Variants in HDAC9 observed in about 807,000 individuals in gnomAD.
The protein encoded by HDAC9 is histone deacetylase 9.
A neutral mutation model predicts 139.4 loss-of-function variants in HDAC9; 41 were observed. The ratio of observed to expected loss-of-function variants is 0.29; its 90% CI spans 0.23 to 0.38. The LOEUF (loss-of-function observed/expected upper bound fraction) is 0.38, where lower values mean the gene tolerates loss of function less well. HDAC9 is among the 10% of genes least tolerant of loss of function. HDAC9 has a pLI of 1.00. For synonymous variants in HDAC9, 517 were observed against 476.2 expected (o/e 1.09, Z -1.12); for missense variants, 1,147 against 1,297.0 (o/e 0.88, Z 1.78).
chr7:18,501,807 C>G (rs1798450368), intron 2 of HDAC9, among the ~76,000 whole-genome samples: 1 of 152,044 alleles, frequency 6.6e-6, no homozygotes, highest in South Asian at 2.1e-4. Flanking sequence ...TTACACACCC[C>G]CACACAAAGC....
At chr7:18,133,302 A>G (rs977629921) in intron 1 of HDAC9, among the ~76,000 whole-genome samples, 3 of 152,176 alleles carry the variant, frequency 2.0e-5, no homozygotes, top group South Asian at 2.1e-4. Flanking sequence ...ATCTCATAAT[A>G]TATTTAGAAC....
chr7:18,460,215 C>T (rs1001959852), intron 1 of HDAC9, among the ~76,000 whole-genome samples: 1 of 152,040 alleles, frequency 6.6e-6, no homozygotes, highest in Non-Finnish European at 1.5e-5. Flanking sequence ...CATAGTTGTT[C>T]ATGAGTAGAA....
At chr7:18,243,238 A>G (rs1794308042) in intron 2 of HDAC9, among the ~76,000 whole-genome samples, 1 of 152,260 alleles carries the variant, frequency 6.6e-6, no homozygotes, top group Non-Finnish European at 1.5e-5. Context: ...ATGTAAAGAA[A>G]TAATTGTGAA....
intron 21 of HDAC9, among the ~76,000 whole-genome samples, chr7:18,844,376 G>A (rs1040122919): frequency 2.0e-5 from 3 of 152,158 alleles, no homozygotes; most frequent in African/African-American, 7.2e-5. Context: ...GTGGAGAGAA[G>A]AGGACAAAAT....
intron 15 of HDAC9, among the ~76,000 whole-genome samples, chr7:18,764,595 T>C (rs1364154918): frequency 6.6e-6 from 1 of 152,218 alleles, no homozygotes; most frequent in Non-Finnish European, 1.5e-5. Flanking sequence ...CTTTGTGGCA[T>C]TTGCATTCTT....
At chr7:18,144,199 A>C (rs1786125161) in intron 1 of HDAC9, among the ~76,000 whole-genome samples, 1 of 152,218 alleles carries the variant, frequency 6.6e-6, no homozygotes, top group Non-Finnish European at 1.5e-5. Context: ...AAAAAGGATA[A>C]ACAAGATAAA....
Position 18,976,226 on chromosome 7 carries a change from G to T in HDAC9, c.3170+273G>T, listed in dbSNP as rs147042486. ...TGGTGAGAAAAATCACGCCTTATCAGATAATTGAGTGCAGATCGTTATGGA... is the reference window on the plus strand; with the variant it reads ...TGGTGAGAAAAATCACGCCTTATCATATAATTGAGTGCAGATCGTTATGGA... On this transcript the variant is annotated intron_variant, in intron 25 of 25. Coordinates refer to ENST00000686413, the MANE Select transcript of HDAC9 (RefSeq NM_178425.4). Among the ~76,000 whole-genome samples, 679 of 152,346 alleles carry T rather than the reference G, an allele frequency of 4.5e-3. 7 individuals are homozygous for T. The highest frequency in any genetic ancestry group is 0.016 in the African/African-American group (657 of 41,578).
intron 3 of HDAC9, among the ~76,000 whole-genome samples, chr7:18,589,705 G>A (rs1229985804): frequency 6.6e-6 from 1 of 152,142 alleles, no homozygotes; most frequent in Non-Finnish European, 1.5e-5. Flanking sequence ...GCTTTTATGT[G>A]CTGAATGAAA....
At chr7:18,321,702 T>C (rs1048491082) in intron 1 of HDAC9, among the ~76,000 whole-genome samples, 5 of 152,172 alleles carry the variant, frequency 3.3e-5, no homozygotes, top group African/African-American at 1.2e-4. Flanking sequence ...AATTGCCTTA[T>C]TAGCTTTTCT....
intron 1 of HDAC9, among the ~76,000 whole-genome samples, chr7:18,091,328 G>C (rs1220949152): frequency 6.6e-6 from 1 of 152,192 alleles, no homozygotes; most frequent in Non-Finnish European, 1.5e-5. Context: ...ACGTGTTTCT[G>C]GTGAGCTTGA....
intron 1 of HDAC9, among the ~76,000 whole-genome samples, chr7:18,376,466 T>C (rs1785001637): frequency 6.6e-6 from 1 of 152,228 alleles, no homozygotes; most frequent in Admixed American, 6.5e-5. Flanking sequence ...AGCTTTGGTA[T>C]ATTAGGACTT....
At chr7:18,501,497 AT>A (rs1434486190) in intron 2 of HDAC9, among the ~76,000 whole-genome samples, 1 of 152,178 alleles carries the variant, frequency 6.6e-6, no homozygotes, top group African/African-American at 2.4e-5. Context: ...TATTTAGTAC[AT>A]TTATAGTTCC....
intron 6 of HDAC9, among the ~76,000 whole-genome samples, chr7:18,613,892 G>A (rs1016999302): frequency 1.3e-5 from 2 of 151,918 alleles, no homozygotes; most frequent in African/African-American, 4.8e-5. Context: ...AACCTCATGG[G>A]CTGCCCTTTC....
intron 1 of HDAC9, among the ~76,000 whole-genome samples, chr7:18,114,339 A>G (rs1783825061): frequency 6.6e-6 from 1 of 152,258 alleles, no homozygotes; most frequent in Non-Finnish European, 1.5e-5. Context: ...GAATGTGAAT[A>G]TTTAGCTTTC....
intron 25 of HDAC9, among the ~76,000 whole-genome samples, chr7:18,982,776 T>A (rs1785044530): frequency 6.6e-6 from 1 of 152,202 alleles, no homozygotes. Flanking sequence ...TCATTAAGCA[T>A]GTTTTTGAGA....
chr7:18,699,534 G>A (rs989709130), intron 12 of HDAC9, among the ~76,000 whole-genome samples: 3 of 152,090 alleles, frequency 2.0e-5, no homozygotes, highest in Admixed American at 6.5e-5. Context: ...ACATGACAAC[G>A]AACTTTAGAG....
chr7:18,803,490 T>C (rs1185101729), intron 17 of HDAC9, among the ~76,000 whole-genome samples: 1 of 152,136 alleles, frequency 6.6e-6, no homozygotes, highest in African/African-American at 2.4e-5. Flanking sequence ...TTACTGACGG[T>C]TTCTCAGTTT....
At chr7:18,630,304 A>G (rs1488078347) in intron 7 of HDAC9, among the ~76,000 whole-genome samples, 1 of 151,520 alleles carries the variant, frequency 6.6e-6, no homozygotes, top group Admixed American at 6.6e-5. Flanking sequence ...TTTTTTTCCC[A>G]TTCTCAAGGA....
intron 2 of HDAC9, among the ~76,000 whole-genome samples, chr7:18,260,731 G>T (rs1436894458): frequency 6.6e-6 from 1 of 152,188 alleles, no homozygotes; most frequent in Non-Finnish European, 1.5e-5. Flanking sequence ...ATAATTTATT[G>T]CTCAAGAGTA....
Sources: allele counts gnomAD v4.1 joint callset (sites outside exome capture counted in the v4.1 genomes callset), GRCh38; gene constraint gnomAD v4.1.1; transcripts MANE v1.5; gene names NCBI Gene and HGNC (gene_info 2026-07-23, HGNC 2026-07-21).